The following CDCA2 variants were observed in gnomAD, a reference collection of about 807,000 sequenced individuals.
CDCA2 encodes the protein cell division cycle associated 2, also known as cell division cycle-associated protein 2.
A neutral mutation model predicts 67.0 loss-of-function variants in CDCA2; 44 were observed. The ratio of observed to expected loss-of-function variants is 0.66; its 90% CI spans 0.52 to 0.84. CDCA2 has a LOEUF of 0.84. CDCA2 is among the 40% of genes least tolerant of loss of function. CDCA2 has a pLI of 0.00. For synonymous variants in CDCA2, 447 were observed against 418.7 expected (o/e 1.07, Z -0.82); for missense variants, 1,253 against 1,203.2 (o/e 1.04, Z -0.61).
At chr8:25,485,048 T>C (rs1803713817) in intron 10 of CDCA2, among the ~76,000 whole-genome samples, 1 of 152,150 alleles carries the variant, frequency 6.6e-6, no homozygotes, top group Admixed American at 6.5e-5. Context: ...ACAATCAGTG[T>C]AATCTGCCTT....
At position 25,484,009 on chromosome 8, in the gene CDCA2, G is replaced by T. The variant is rs773971290; in HGVS notation, c.1164G>T (p.Arg388Ser). ...NFEAPAFLNM[R>S]KRKRVTFGED... ...AAGCACCTGCCTTTCTAAATATGAG[G>T]AAGAGGAAGAGAGTTACTTTTGGAG... Residue 388 changes from arginine to serine, a missense_variant, in exon 10 of 15, where the codon AGG becomes AGT. Arg to Ser is a moderately radical substitution (Grantham distance 110, BLOSUM62 -1). Coordinates refer to ENST00000330560, the MANE Select transcript of CDCA2 (RefSeq NM_152562.4). 6.2e-7 allele frequency: 1 copy of T among 1,613,944 alleles called. No homozygotes were observed. Among genetic ancestry groups the T allele is most frequent in the Non-Finnish European group, 8.5e-7 (1 of 1,179,938 alleles).
At chr8:25,496,421 TAAAAG>T (rs755746150) in intron 13 of CDCA2, among the ~76,000 whole-genome samples, 15 of 152,018 alleles carry the variant, frequency 9.9e-5, no homozygotes, top group African/African-American at 2.4e-4. Flanking sequence ...TTTCAGGTAA[TAAAAG>T]AAATGCTCAA....
In CDCA2 at chr8:25,506,669, C is replaced by A; in HGVS notation, c.2003C>A (p.Ser668Ter). The A allele has an allele frequency of 6.2e-7, 1 of 1,613,280 alleles. No individual in the cohort carries two copies. Among genetic ancestry groups the A allele is most frequent in the Non-Finnish European group, 8.5e-7 (1 of 1,179,844 alleles). ...TGCTCTTATATAAAAAGTTCCTCAT[C>A]GCTTGGCAATGCTACTTCTGATGAA... is the stretch of plus-strand genomic sequence containing the variant. ...EFCSYIKSSS[S>*]LGNATSDEDP... The change falls in exon 15 of 15, where the codon TCG becomes TAG. Residue 668 changes from serine (S) to a stop codon, truncating the protein, a stop_gained. Coordinates refer to ENST00000330560, the MANE Select transcript of CDCA2 (RefSeq NM_152562.4). LOFTEE classifies it low-confidence loss of function (END_TRUNC).
chr8:25,468,297 CAG>C lies in CDCA2; in HGVS notation c.625_626del (p.Asp209LeufsTer2), dbSNP rs777361443. 6.2e-7 allele frequency: 1 copy of C among 1,612,050 alleles called. No homozygotes were observed. The highest frequency in any genetic ancestry group is 1.1e-5 in the South Asian group (1 of 91,008). On this transcript the variant is annotated frameshift_variant, in exon 6 of 15. Transcript: ENST00000330560. LOFTEE classifies it high-confidence loss of function. ...CTCCAAACGTCGGAGAATATCCTAT[CAG>C]AGAGACTCTGATGAAAATCTGACGG... is the stretch of plus-strand genomic sequence containing the variant. Reference protein sequence around the residue: ...LSSKRRRISYQRDSDENLTDA... With the variant: ...LSSKRRRISYXRDSDENLTDA...
At chr8:25,464,088 A>G (rs989259612) in intron 4 of CDCA2, among the ~76,000 whole-genome samples, 4 of 152,156 alleles carry the variant, frequency 2.6e-5, no homozygotes, top group African/African-American at 7.2e-5. Context: ...ACCTGTAACT[A>G]CGTTTATATG....
At chr8:25,486,648 CAAAAAAAA>C (rs34058825) in intron 11 of CDCA2, among the ~76,000 whole-genome samples, 4 of 137,472 alleles carry the variant, frequency 2.9e-5, no homozygotes, top group African/African-American at 5.4e-5. Context: ...ACTGAAAATA[CAAAAAAAA>C]AAAAAAAAAT....
chr8:25,496,894 G>A (rs571983235), intron 13 of CDCA2, among the ~76,000 whole-genome samples: 65 of 152,288 alleles, frequency 4.3e-4, no homozygotes, highest in African/African-American at 1.5e-3. Context: ...TTGGGAAAAC[G>A]TAATTGCAGT....
At chr8:25,494,356 TAAAA>T (rs1405297852) in intron 13 of CDCA2, among the ~76,000 whole-genome samples, 2 of 152,042 alleles carry the variant, frequency 1.3e-5, no homozygotes, top group Non-Finnish European at 2.9e-5. Context: ...ATACAACAAT[TAAAA>T]AAATAAAAAT....
chr8:25,476,108 A>T (rs1342297981), intron 7 of CDCA2, among the ~76,000 whole-genome samples: 2 of 152,230 alleles, frequency 1.3e-5, no homozygotes, highest in Non-Finnish European at 2.9e-5. Flanking sequence ...CTGGGGTCCA[A>T]GGAGGTGTGT....
At chr8:25,479,015 T>C (rs1346542078) in intron 7 of CDCA2, among the ~76,000 whole-genome samples, 1 of 152,104 alleles carries the variant, frequency 6.6e-6, no homozygotes, top group Non-Finnish European at 1.5e-5. Context: ...AGTAGTGACA[T>C]GTTGCATAGC....
At chr8:25,497,523 C>CAAAA (rs1480843701) in intron 13 of CDCA2, among the ~76,000 whole-genome samples, 1 of 136,224 alleles carries the variant, frequency 7.3e-6, no homozygotes, top group African/African-American at 3.0e-5. Context: ...AAAAAAAACT[C>CAAAA]ACAGAAGCTG....
intron 10 of CDCA2, among the ~76,000 whole-genome samples, chr8:25,484,744 G>A (rs1434056645): frequency 6.6e-6 from 1 of 151,938 alleles, no homozygotes; most frequent in Non-Finnish European, 1.5e-5. Flanking sequence ...TGGGACATGG[G>A]CACACATCAC....
At chr8:25,500,789 CAT>C (rs1297934606) in intron 13 of CDCA2, among the ~76,000 whole-genome samples, 32 of 152,208 alleles carry the variant, frequency 2.1e-4, no homozygotes, top group Non-Finnish European at 1.5e-5. Context: ...AGCTCTATCA[CAT>C]GTCAACTCAT....
At chr8:25,506,113 T>A (rs867563792) in intron 14 of CDCA2, among the ~76,000 whole-genome samples, 1 of 152,174 alleles carries the variant, frequency 6.6e-6, no homozygotes, top group Non-Finnish European at 1.5e-5. Context: ...GGAGGATACA[T>A]TGGTAGAAAG....
At chr8:25,473,545 G>C (rs1041439204) in intron 7 of CDCA2, among the ~76,000 whole-genome samples, 3 of 152,110 alleles carry the variant, frequency 2.0e-5, no homozygotes, top group Non-Finnish European at 4.4e-5. Context: ...CTGCATCTCA[G>C]TTTTTCTATC....
At chr8:25,472,921 A>G (rs1341923736) in intron 7 of CDCA2, among the ~76,000 whole-genome samples, 1 of 152,196 alleles carries the variant, frequency 6.6e-6, no homozygotes, top group African/African-American at 2.4e-5. Context: ...AATATTGACT[A>G]TAGACACTGT....
chr8:25,504,985 A>G (rs1372454591), intron 14 of CDCA2, among the ~76,000 whole-genome samples: 4 of 152,158 alleles, frequency 2.6e-5, no homozygotes, highest in Non-Finnish European at 5.9e-5. Flanking sequence ...AAAATTTTCC[A>G]TGTTGTATCG....
Position 25,507,525 on chromosome 8 carries a change from C to G in CDCA2, c.2859C>G (p.Pro953=), listed in dbSNP as rs765380420. ...GACAAAAACCGCAGATGGCACCTCC[C>G]GTCTCAGATCCAGAAAACAGCCAGG... ...SSRQKPQMAP[P]VSDPENSQGP... Residue 953 remains proline, a synonymous_variant, in exon 15 of 15, where the codon CCC becomes CCG. Transcript: ENST00000330560. 1.2e-6 allele frequency: 2 copies of G among 1,613,922 alleles called. No homozygotes were observed. Among genetic ancestry groups the G allele is most frequent in the East Asian group, 2.2e-5 (1 of 44,884 alleles).
At chr8:25,490,930 A>G (rs1403781069) in intron 13 of CDCA2, among the ~76,000 whole-genome samples, 2 of 152,230 alleles carry the variant, frequency 1.3e-5, no homozygotes, top group Non-Finnish European at 2.9e-5. Context: ...ATTGAATAGA[A>G]CAAATAGCAT....
Sources: allele counts gnomAD v4.1 joint callset (sites outside exome capture counted in the v4.1 genomes callset), GRCh38; gene constraint gnomAD v4.1.1; transcripts MANE v1.5; gene names NCBI Gene and HGNC (gene_info 2026-07-23, HGNC 2026-07-21).